BAALC: variants seen among roughly 807,000 people sequenced by gnomAD.
BAALC encodes the protein brain and acute leukemia cytoplasmic protein.
In BAALC, 9 loss-of-function variants were observed where a neutral mutation model predicts 15.5. The ratio of observed to expected loss-of-function variants is 0.58; its 90% CI spans 0.35 to 1.02. BAALC has a LOEUF of 1.02. Among genes scored for constraint, BAALC ranks in the 50% least tolerant of loss-of-function variants. The probability of loss-of-function intolerance (pLI) is 0.02; values close to 1 mark genes in which losing one functional copy is unlikely to be tolerated. For synonymous variants in BAALC, 80 were observed against 74.6 expected, an observed-to-expected ratio of 1.07 and a Z score of -0.37; for missense variants, 201 against 192.4, an observed-to-expected ratio of 1.04 and a Z score of -0.27.
At chr8:103,144,300 T>C (rs562469757) in intron 1 of BAALC, among the ~76,000 whole-genome samples, 44 of 152,352 alleles carry the variant, frequency 2.9e-4, no homozygotes, top group African/African-American at 1.0e-3. Context: ...GTTCCTGTTT[T>C]TGGAGATCAT....
In BAALC at chr8:103,228,792, A is replaced by T. The variant is rs1418394946; in HGVS notation, c.*693A>T. 1 of 152,252 alleles carries T rather than the reference A, an allele frequency of 6.6e-6. No homozygotes were observed. Among genetic ancestry groups the T allele is most frequent in the Non-Finnish European group, 1.5e-5 (1 of 68,088 alleles). The allele number at this position is 152,252 out of a possible 1,614,324, so 9.4% of individuals were successfully genotyped here. On this transcript the variant is annotated 3_prime_UTR_variant, in exon 3 of 3. Transcript: ENST00000309982. ...GGAAAGTCCTCCTATTCCAGTGTCC[A>T]TGTTGGCCTCCAGTCCTTAATGTCA...
At chr8:103,205,883 G>A (rs949413983) in intron 1 of BAALC, among the ~76,000 whole-genome samples, 2 of 152,154 alleles carry the variant, frequency 1.3e-5, no homozygotes, top group East Asian at 1.9e-4. Context: ...TCCCCAGCAC[G>A]AGAGGAGTGG....
At chr8:103,210,713 C>A (rs1812431122) in intron 1 of BAALC, among the ~76,000 whole-genome samples, 1 of 152,160 alleles carries the variant, frequency 6.6e-6, no homozygotes, top group African/African-American at 2.4e-5. Context: ...AATATAACAT[C>A]TTTAGTAAAT....
At chr8:103,197,955 C>T (rs974133355) in intron 1 of BAALC, 2 of 561,606 alleles carry the variant, frequency 3.6e-6, no homozygotes, top group African/African-American at 1.9e-5. Context: ...AGCCTTCATC[C>T]CAACGATGCC....
intron 1 of BAALC, among the ~76,000 whole-genome samples, chr8:103,192,775 A>G (rs7015757): frequency 0.48 from 72,613 of 152,008 alleles, 17,557 homozygotes; most frequent in South Asian, 0.54. Context: ...ACAGTTCCTG[A>G]GCTGCCATTG....
At position 103,140,891 on chromosome 8, in the gene BAALC, C is replaced by T; in HGVS notation, c.-7C>T. The T allele has an allele frequency of 6.6e-7, 1 of 1,507,132 alleles. No individual in the cohort carries two copies. The highest frequency in any genetic ancestry group is 8.9e-7 in the Non-Finnish European group (1 of 1,128,454). The allele number at this position is 1,507,132 out of a possible 1,614,324, so 93.4% of individuals were successfully genotyped here. ...GCAGCCGCTGGGCGCTCCCGCGGCG[C>T]AGGAGGATGGGCTGCGGCGGGAGCC... On this transcript the variant is annotated 5_prime_UTR_variant, in exon 1 of 3. Coordinates refer to ENST00000309982, the MANE Select transcript of BAALC (RefSeq NM_024812.3). The surrounding 1 kb of genome is among the most constrained non-coding windows in gnomAD (Gnocchi z 4.2).
At chr8:103,174,636 G>A (rs1811568309) in intron 1 of BAALC, among the ~76,000 whole-genome samples, 1 of 152,216 alleles carries the variant, frequency 6.6e-6, no homozygotes, top group South Asian at 2.1e-4. Flanking sequence ...TGAGGATAGA[G>A]AAAGCCACTT....
chr8:103,212,530 A>C (rs1441815665), intron 1 of BAALC, among the ~76,000 whole-genome samples: 2 of 152,242 alleles, frequency 1.3e-5, no homozygotes, highest in Admixed American at 6.5e-5. Flanking sequence ...ATCCCAAGGA[A>C]GTAATTTAAA....
At chr8:103,149,672 G>A (rs1810944014) in intron 1 of BAALC, among the ~76,000 whole-genome samples, 1 of 152,146 alleles carries the variant, frequency 6.6e-6, no homozygotes, top group Non-Finnish European at 1.5e-5. Flanking sequence ...GTTCATTTTT[G>A]TATTTAGGAA....
intron 1 of BAALC, among the ~76,000 whole-genome samples, chr8:103,210,988 T>G (rs56666894): frequency 0.057 from 8,736 of 152,232 alleles, 365 homozygotes; most frequent in African/African-American, 0.11. Flanking sequence ...TTTCATAAGA[T>G]GAATGAAAAG....
intron 2 of BAALC, among the ~76,000 whole-genome samples, chr8:103,217,401 T>TACTCAGGCAG (rs1481518952): frequency 6.6e-6 from 1 of 152,214 alleles, no homozygotes; most frequent in Non-Finnish European, 1.5e-5. Context: ...GGCTCTCAAC[T>TACTCAGGCAG]GCCTACTATT....
At chr8:103,159,365 A>G (rs972934621) in intron 1 of BAALC, among the ~76,000 whole-genome samples, 2 of 152,244 alleles carry the variant, frequency 1.3e-5, no homozygotes, top group Non-Finnish European at 1.5e-5. Context: ...AAATGGTGAT[A>G]GTCTAACATT....
At chr8:103,194,538 G>T (rs1812047105) in intron 1 of BAALC, among the ~76,000 whole-genome samples, 1 of 152,172 alleles carries the variant, frequency 6.6e-6, no homozygotes, top group South Asian at 2.1e-4. Context: ...TCCCCTGGAG[G>T]TAACTAAAAT....
chr8:103,208,656 A>C (rs918583020), intron 1 of BAALC, among the ~76,000 whole-genome samples: 7 of 152,178 alleles, frequency 4.6e-5, no homozygotes, highest in African/African-American at 1.4e-4. Flanking sequence ...TGTGTGTTTT[A>C]TAAGTAAATC....
At chr8:103,183,222 T>C (rs199961286) in intron 1 of BAALC, 1 of 647,656 alleles carries the variant, frequency 1.5e-6, no homozygotes, top group African/African-American at 1.8e-5. Flanking sequence ...AAAATGGCTG[T>C]TGGGTGGACA....
chr8:103,171,731 A>G (rs566857210), intron 1 of BAALC, among the ~76,000 whole-genome samples: 7 of 152,320 alleles, frequency 4.6e-5, no homozygotes, highest in African/African-American at 1.7e-4. Context: ...GAGCCCCAGG[A>G]AAGACCTCAC....
At chr8:103,170,259 G>T (rs1811449519) in intron 1 of BAALC, among the ~76,000 whole-genome samples, 1 of 150,780 alleles carries the variant, frequency 6.6e-6, no homozygotes, top group Admixed American at 6.6e-5. Context: ...AAAGCCGCTT[G>T]GTTATATTGT....
Position 103,187,926 on chromosome 8 carries a change from T to C in BAALC, c.161-24993T>C, listed in dbSNP as rs1350571257. 2.0e-5 allele frequency among the ~76,000 whole-genome samples: 3 copies of C among 152,188 alleles called. No individual in the cohort carries two copies. In the East Asian group the frequency reaches 5.8e-4, roughly 29 times the overall value. ...GTGTCCAAGGAGTGCTGAACTTAGG[T>C]GAGTGCTAATAAAGATTAGAGCTTG... On this transcript the variant is annotated intron_variant, in intron 1 of 2. Coordinates refer to ENST00000309982, the MANE Select transcript of BAALC (RefSeq NM_024812.3).
At chr8:103,180,410 A>G (rs1055880070) in intron 1 of BAALC, among the ~76,000 whole-genome samples, 4 of 152,280 alleles carry the variant, frequency 2.6e-5, no homozygotes, top group Non-Finnish European at 5.9e-5. Flanking sequence ...TCAGAGAGGA[A>G]AGGGACTGGA....
Sources: allele counts gnomAD v4.1 joint callset (sites outside exome capture counted in the v4.1 genomes callset), GRCh38; gene constraint gnomAD v4.1.1; non-coding constraint Gnocchi (gnomAD v3.1); transcripts MANE v1.5; gene names NCBI Gene and HGNC (gene_info 2026-07-23, HGNC 2026-07-21).